RAD23B: variants seen among roughly 807,000 people sequenced by gnomAD.
RAD23B encodes lysine-specific demethylase RAD23B.
Under a neutral mutation model 49.1 loss-of-function variants are expected in RAD23B, and 5 were observed. That is an observed-to-expected ratio of 0.10 (90% CI 0.05 to 0.21). RAD23B has a LOEUF of 0.21. RAD23B is among the 10% of genes least tolerant of loss of function. The probability of loss-of-function intolerance (pLI) is 1.00; values close to 1 mark genes in which losing one functional copy is unlikely to be tolerated. For synonymous variants in RAD23B, 184 were observed against 165.4 expected (o/e 1.11, Z -0.86); for missense variants, 356 against 486.7 (o/e 0.73, Z 2.53).
intron 1 of RAD23B, among the ~76,000 whole-genome samples, chr9:107,295,721 G>A (rs1337558416): frequency 2.0e-5 from 3 of 152,096 alleles, no homozygotes; most frequent in Admixed American, 6.5e-5. Flanking sequence ...TTTAGAAAAC[G>A]GTATAAATGT....
intron 3 of RAD23B, among the ~76,000 whole-genome samples, chr9:107,302,975 CT>C (rs1333403600): frequency 6.6e-6 from 1 of 152,030 alleles, no homozygotes; most frequent in Non-Finnish European, 1.5e-5. Context: ...TAAACAGATA[CT>C]TTTTTGTGAT....
In RAD23B at chr9:107,306,589, A is replaced by G; in HGVS notation, c.439A>G (p.Lys147Glu). The G allele has an allele frequency of 6.2e-7, 1 of 1,614,170 alleles. No individual in the cohort carries two copies. The highest frequency in any genetic ancestry group is 8.5e-7 in the Non-Finnish European group (1 of 1,180,018). ...PAPASAAKQE[K>E]PAEKPAETPV... ...ACCTGCTAGTGCAGCTAAACAAGAGAAGCCTGCAGAAAAGCCAGCAGAGAC... is the reference window on the plus strand; with the variant it reads ...ACCTGCTAGTGCAGCTAAACAAGAGGAGCCTGCAGAAAAGCCAGCAGAGAC... The change falls in exon 4 of 10, where the codon AAG becomes GAG. Residue 147 changes from lysine (K) to glutamate (E), a missense_variant. Physicochemically the swap from Lys to Glu is moderately conservative, Grantham distance 56. This residue lies in a region of RAD23B where 137 missense variants were observed against 122.0 expected (regional missense o/e 1.12). Transcript: ENST00000358015.
At position 107,283,714 on chromosome 9, in the gene RAD23B, G is replaced by A. The variant is rs1218000909; in HGVS notation, c.66+19G>A. 1.4e-6 allele frequency: 2 copies of A among 1,449,898 alleles called. No individual in the cohort carries two copies. The highest frequency in any genetic ancestry group is 1.8e-6 in the Non-Finnish European group (2 of 1,095,496). 89.8% of individuals were successfully genotyped at this position (1,449,898 alleles called of 1,614,324 possible). A position where few individuals can be genotyped will look rare whatever the true frequency, so the allele number is the denominator to read the frequency against. Reference sequence around the variant, plus strand: ...GGAGACGGTATGCGCGCGGGCCGGGGGCAGGGGCAGCCGCGTGCGGGCCGC... The same window carrying A: ...GGAGACGGTATGCGCGCGGGCCGGGAGCAGGGGCAGCCGCGTGCGGGCCGC... On this transcript the variant is annotated intron_variant, in intron 1 of 9. Coordinates refer to ENST00000358015, the MANE Select transcript of RAD23B (RefSeq NM_002874.5).
At chr9:107,319,420 G>A (rs573185835) in intron 6 of RAD23B, among the ~76,000 whole-genome samples, 4 of 152,114 alleles carry the variant, frequency 2.6e-5, no homozygotes, top group South Asian at 2.1e-4. Context: ...GTGAGCCACC[G>A]TGCCTGGCCA....
intron 4 of RAD23B, among the ~76,000 whole-genome samples, chr9:107,309,519 G>A (rs1241998841): frequency 6.6e-6 from 1 of 152,218 alleles, no homozygotes; most frequent in African/African-American, 2.4e-5. Context: ...TAACTAATGA[G>A]TGGTTTCCTC....
intron 5 of RAD23B, among the ~76,000 whole-genome samples, chr9:107,314,306 G>T (rs912762736): frequency 4.6e-5 from 7 of 152,102 alleles, no homozygotes; most frequent in African/African-American, 1.7e-4. Context: ...CCTGAATAAT[G>T]AACATTGTAC....
chr9:107,329,948 C>A lies in RAD23B; in HGVS notation c.*292C>A. ...ACAGTAGGTAACTTTTCCTAGGTTTCACTCTTTTTAGTGTACTAGATCCAG... is the reference window on the plus strand; with the variant it reads ...ACAGTAGGTAACTTTTCCTAGGTTTAACTCTTTTTAGTGTACTAGATCCAG... On this transcript the variant is annotated 3_prime_UTR_variant, in exon 10 of 10. Transcript: ENST00000358015. 1 of 193,248 alleles carries A rather than the reference C, an allele frequency of 5.2e-6. No homozygotes were observed. Among genetic ancestry groups the A allele is most frequent in the Non-Finnish European group, 1.1e-5 (1 of 95,080 alleles). 12.0% of individuals were successfully genotyped at this position (193,248 alleles called of 1,614,324 possible). A position where few individuals can be genotyped will look rare whatever the true frequency, so the allele number is the denominator to read the frequency against.
rs11573683 is a variant in RAD23B at position 107,318,398 on chromosome 9, C to T, written c.554-354C>T. Among the ~76,000 whole-genome samples the T allele has an allele frequency of 0.017, 2,540 of 152,298 alleles. 30 individuals are homozygous for T. The highest frequency in any genetic ancestry group is 0.029 in the Non-Finnish European group (1,976 of 68,018). On this transcript the variant is annotated intron_variant, in intron 5 of 9. Coordinates refer to ENST00000358015, the MANE Select transcript of RAD23B (RefSeq NM_002874.5). The surrounding 1 kb of genome is among the most constrained non-coding windows in gnomAD (Gnocchi z 4.3). ...CCTCCTCACACCTGTTTCTCTGACC[C>T]TCTCATCTGCCTCCTCCTACTACTA...
chr9:107,298,474 A>ATTTTTTTTTT (rs35923233), intron 1 of RAD23B, among the ~76,000 whole-genome samples: 5 of 53,120 alleles, frequency 9.4e-5, no homozygotes, highest in South Asian at 6.6e-4. Flanking sequence ...TGCTTGGCTA[A>ATTTTTTTTTT]TTTTTTTTTT....
chr9:107,317,435 A>G (rs1827019294), intron 5 of RAD23B, among the ~76,000 whole-genome samples: 1 of 152,020 alleles, frequency 6.6e-6, no homozygotes, highest in African/African-American at 2.4e-5. Flanking sequence ...GGAAATCTGA[A>G]TTGCAATTAG....
chr9:107,305,899 C>A (rs1826752198), intron 3 of RAD23B, among the ~76,000 whole-genome samples: 1 of 151,340 alleles, frequency 6.6e-6, no homozygotes, highest in Non-Finnish European at 1.5e-5. Flanking sequence ...TGCTTCAGGC[C>A]CGGAGTTCAA....
intron 1 of RAD23B, chr9:107,284,935 A>C (rs892889004): frequency 1.5e-6 from 2 of 1,301,296 alleles, no homozygotes; most frequent in East Asian, 1.1e-4. Flanking sequence ...CTTGGTGGTC[A>C]GTAAATGGAA....
intron 5 of RAD23B, among the ~76,000 whole-genome samples, chr9:107,314,202 A>G (rs1826946248): frequency 6.6e-6 from 1 of 152,152 alleles, no homozygotes; most frequent in Non-Finnish European, 1.5e-5. Context: ...ATTCTTTTTA[A>G]TTTTTAAAAT....
At chr9:107,288,801 A>G (rs1023405481) in intron 1 of RAD23B, among the ~76,000 whole-genome samples, 3 of 152,190 alleles carry the variant, frequency 2.0e-5, no homozygotes, top group Admixed American at 1.3e-4. Flanking sequence ...AATGTTTTCT[A>G]TAGGGAACTG....
At chr9:107,293,741 T>A (rs1470624960) in intron 1 of RAD23B, among the ~76,000 whole-genome samples, 1 of 152,198 alleles carries the variant, frequency 6.6e-6, no homozygotes, top group Non-Finnish European at 1.5e-5. Context: ...TTACAAGATA[T>A]TATTTTGATG....
At chr9:107,313,881 T>A (rs1415840378) in intron 5 of RAD23B, among the ~76,000 whole-genome samples, 1 of 145,696 alleles carries the variant, frequency 6.9e-6, no homozygotes, top group Non-Finnish European at 1.5e-5. Context: ...TTCTCCTCTC[T>A]CCTCTGTCCT....
chr9:107,311,849 C>A, intron 5 of RAD23B, 112 bp downstream of exon 5: 2 of 767,682 alleles, frequency 2.6e-6, no homozygotes, highest in Non-Finnish European at 2.0e-6. Flanking sequence ...TATAATCAAG[C>A]TGTAAGATGA....
Position 107,294,337 on chromosome 9 carries a change from C to T in RAD23B, c.67-5804C>T, listed in dbSNP as rs1244864109. On this transcript the variant is annotated intron_variant, in intron 1 of 9. Coordinates refer to ENST00000358015, the MANE Select transcript of RAD23B (RefSeq NM_002874.5). ...TGTCTCTAGTGGAATTGATGATAAA[C>T]CACCATTATTTATGTAGTGGGAAAT... Among the ~76,000 whole-genome samples the T allele has an allele frequency of 3.9e-5, 6 of 152,140 alleles. No homozygotes were observed. The East Asian group carries it at 1.2e-3, about 29-fold the overall frequency.
At chr9:107,326,401 A>G (rs1363222411) in intron 9 of RAD23B, among the ~76,000 whole-genome samples, 3 of 150,650 alleles carry the variant, frequency 2.0e-5, no homozygotes, top group Non-Finnish European at 4.4e-5. Flanking sequence ...GAATGGCGTG[A>G]ACCCGGGAGG....
Sources: allele counts gnomAD v4.1 joint callset (sites outside exome capture counted in the v4.1 genomes callset), GRCh38; gene constraint gnomAD v4.1.1; regional missense constraint gnomAD v4.1.1; non-coding constraint Gnocchi (gnomAD v3.1); transcripts MANE v1.5; gene names NCBI Gene and HGNC (gene_info 2026-07-23, HGNC 2026-07-21).